The following CXorf38 variants were observed in gnomAD, a reference collection of about 807,000 sequenced individuals.
CXorf38 encodes the protein chromosome X open reading frame 38.
In CXorf38, 13 loss-of-function variants were observed where a neutral mutation model predicts 27.5. The ratio of observed to expected loss-of-function variants is 0.47; its 90% CI spans 0.31 to 0.75. The LOEUF is 0.75. CXorf38 is among the 30% of genes least tolerant of loss of function. CXorf38 has a pLI of 0.05. For synonymous variants in CXorf38, 100 were observed against 99.8 expected (o/e 1.00, Z -0.01); for missense variants, 240 against 253.2 (o/e 0.95, Z 0.35).
In CXorf38 at chrX:40,639,025, C is replaced by T. The variant is rs768158728; in HGVS notation, c.455G>A (p.Arg152Gln). The T allele has an allele frequency of 4.1e-6, 5 of 1,210,274 alleles. No individual in the cohort carries two copies. Among genetic ancestry groups the T allele is most frequent in the South Asian group, 1.8e-5 (1 of 56,824 alleles). ...AGCTCTTACCTCTGTGACTTTCTTT[C>T]GATCAACCACGAAGTGATCGCAGGA... ...INSCDHFVVD[R>Q]KKVTEVIKCR... is the part of the protein sequence containing the mutation. Residue 152 changes from arginine to glutamine, a missense_variant, in exon 3 of 7, where the codon CGA (arginine) becomes CAA (glutamine). Arg to Gln is a conservative substitution (Grantham distance 43, BLOSUM62 1). Coordinates refer to ENST00000327877, the MANE Select transcript of CXorf38 (RefSeq NM_144970.3).
At chrX:40,643,165 C>G (rs995592829) in intron 2 of CXorf38, among the ~76,000 whole-genome samples, 1 of 111,289 alleles carries the variant, frequency 9.0e-6, no homozygotes, top group African/African-American at 3.3e-5. Context: ...TGAGCTCAAG[C>G]AGTCTTCTCA....
chrX:40,630,603 C>A lies in CXorf38; in HGVS notation c.*1+11G>T. ...TGTCCTTCTTTAACACCATCATCTG[C>A]CTGAACTCACCTCAGGCCTTCCTGT... is the stretch of plus-strand genomic sequence containing the variant. On this transcript the variant is annotated intron_variant, in intron 6 of 6. Transcript: ENST00000327877. The A allele has an allele frequency of 8.3e-7, 1 of 1,202,322 alleles. No individual in the cohort carries two copies. Among genetic ancestry groups the A allele is most frequent in the Admixed American group, 2.2e-5 (1 of 45,238 alleles).
Position 40,629,616 on chromosome X carries a change from T to C in CXorf38, c.*548A>G, listed in dbSNP as rs946233204. On this transcript the variant is annotated 3_prime_UTR_variant, in exon 7 of 7. Coordinates refer to ENST00000327877, the MANE Select transcript of CXorf38 (RefSeq NM_144970.3). Reference sequence around the variant, plus strand: ...GGGTGGTAGCAAGTTTTGTTGTTGTTTTTTGTTTTTTTGGGAGACAGAATC... The same window carrying C: ...GGGTGGTAGCAAGTTTTGTTGTTGTCTTTTGTTTTTTTGGGAGACAGAATC... 9 of 111,144 alleles carry C rather than the reference T, an allele frequency of 8.1e-5. No individual in the cohort carries two copies. Among genetic ancestry groups the C allele is most frequent in the Admixed American group, 3.8e-4 (4 of 10,491 alleles). The allele number at this position is 111,144 out of a possible 1,213,427, so 9.2% of individuals were successfully genotyped here.
intron 5 of CXorf38, among the ~76,000 whole-genome samples, chrX:40,634,223 C>A (rs952332933): frequency 2.7e-5 from 3 of 111,302 alleles, no homozygotes; most frequent in African/African-American, 9.8e-5. Flanking sequence ...CTAACCCTAC[C>A]CCTACATTTT....
At chrX:40,640,521 G>A (rs1041345068) in intron 2 of CXorf38, among the ~76,000 whole-genome samples, 4 of 108,756 alleles carry the variant, frequency 3.7e-5, no homozygotes, top group African/African-American at 1.0e-4. Context: ...TGATGGTGGT[G>A]AAATCATACA....
intron 5 of CXorf38, among the ~76,000 whole-genome samples, chrX:40,633,355 T>C (rs912249143): frequency 1.8e-5 from 2 of 110,813 alleles, no homozygotes; most frequent in African/African-American, 6.6e-5. Context: ...CCTCACCTCC[T>C]TCAAGGTACT....
rs1341106732 is a variant in CXorf38, at chrX:40,629,250, A to C, written c.*914T>G. The C allele has an allele frequency of 9.0e-6, 1 of 111,513 alleles. No individual in the cohort carries two copies. The highest frequency in any genetic ancestry group is 3.3e-5 in the African/African-American group (1 of 30,634). The allele number at this position is 111,513 out of a possible 1,213,427, so 9.2% of individuals were successfully genotyped here. On this transcript the variant is annotated 3_prime_UTR_variant, in exon 7 of 7. Coordinates refer to ENST00000327877, the MANE Select transcript of CXorf38 (RefSeq NM_144970.3). The stretch of plus-strand genomic sequence containing the variant: ...AGGTTGGTCTCAAACTCCTGGGCTC[A>C]AGTGATCCGCCCACAGTGCTGGGAT...
rs778036095 is a variant in CXorf38 at position 40,634,792 on chromosome X, G to A, written c.801+1741C>T. 6.2e-5 allele frequency among the ~76,000 whole-genome samples: 7 copies of A among 112,003 alleles called. No individual in the cohort carries two copies. The South Asian group carries it at 1.5e-3, about 24-fold the overall frequency. On this transcript the variant is annotated intron_variant, in intron 5 of 6. Transcript: ENST00000327877. Reference sequence around the variant, plus strand: ...ATCAATCCTCACATTTTGACCAACTGAAATATTATGAGAAATGCCATGGTC... The same window carrying A: ...ATCAATCCTCACATTTTGACCAACTAAAATATTATGAGAAATGCCATGGTC...
At chrX:40,630,494 AC>A (rs2146563633) in intron 6 of CXorf38, 119 bp downstream of exon 6, 1 of 705,266 alleles carries the variant, frequency 1.4e-6, no homozygotes, top group Non-Finnish European at 2.1e-6. Flanking sequence ...AACAATAAGG[AC>A]AAAGGCAAAC....
rs749804767 is a variant in CXorf38 at position 40,644,058 on chromosome X, G to C, written c.351+2949C>G. 5.4e-5 allele frequency among the ~76,000 whole-genome samples: 6 copies of C among 111,998 alleles called. No individual in the cohort carries two copies. In the East Asian group the frequency reaches 1.4e-3, roughly 26 times the overall value. On this transcript the variant is annotated intron_variant, in intron 2 of 6. Transcript: ENST00000327877. ...GGTATTTGGGTTGTTTCTACCTTTT[G>C]GCTATAGTGAATGGAGCTGCTATGA... is the stretch of plus-strand genomic sequence containing the variant.
chrX:40,642,779 C>CT (rs1489926275), intron 2 of CXorf38, among the ~76,000 whole-genome samples: 3 of 110,327 alleles, frequency 2.7e-5, no homozygotes, highest in African/African-American at 3.3e-5. Context: ...ATTTTTTTCT[C>CT]TTTTTTTTCT....
rs1257906769 is a variant in CXorf38, at chrX:40,636,515, A to G, written c.801+18T>C. ...TGTGTTGTTAACTCACACAGAGCCT[A>G]TAACACTTTTCTTTTACCTCTTCAG... On this transcript the variant is annotated intron_variant, in intron 5 of 6. Coordinates refer to ENST00000327877, the MANE Select transcript of CXorf38 (RefSeq NM_144970.3). 1.1e-5 allele frequency: 13 copies of G among 1,151,694 alleles called. No individual in the cohort carries two copies. Among genetic ancestry groups the G allele is most frequent in the Non-Finnish European group, 1.5e-5 (13 of 845,776 alleles). 94.9% of individuals were successfully genotyped at this position (1,151,694 alleles called of 1,213,427 possible).
Position 40,646,989 on chromosome X carries a change from C to T in CXorf38, c.351+18G>A, listed in dbSNP as rs746291662. On this transcript the variant is annotated intron_variant, in intron 2 of 6. Coordinates refer to ENST00000327877, the MANE Select transcript of CXorf38 (RefSeq NM_144970.3). ...TGACCCGCCGCTTCCTCCTTCCGTC[C>T]CCGCCTCAGGCGCTTACCTTGGCCA... is the stretch of plus-strand genomic sequence containing the variant. The T allele has an allele frequency of 1.7e-6, 2 of 1,205,054 alleles. No individual in the cohort carries two copies. Among genetic ancestry groups the T allele is most frequent in the East Asian group, 3.0e-5 (1 of 33,600 alleles).
chrX:40,644,038 T>G (rs1351373511), intron 2 of CXorf38, among the ~76,000 whole-genome samples: 1 of 112,121 alleles, frequency 8.9e-6, no homozygotes, highest in Non-Finnish European at 1.9e-5. Flanking sequence ...TGATGGGTAT[T>G]TGGGTTGTTT....
intron 3 of CXorf38, among the ~76,000 whole-genome samples, chrX:40,638,100 G>T (rs1178768828): frequency 3.6e-5 from 4 of 111,901 alleles, no homozygotes; most frequent in Non-Finnish European, 7.5e-5. Context: ...AAATACTGTT[G>T]GAGCACCAGG....
In CXorf38 at chrX:40,632,098, T is replaced by G. The variant is rs911860747; in HGVS notation, c.802-1325A>C. 3.2e-4 allele frequency among the ~76,000 whole-genome samples: 36 copies of G among 111,957 alleles called. 3 individuals are homozygous for G. The highest frequency in any genetic ancestry group is 3.0e-3 in the Admixed American group (32 of 10,599). Reference sequence around the variant, plus strand: ...TGTTCACAGCAAGCGTTAGGAACTGTGGGCACTGCATCGTTAGCTCTCAGT... The same window carrying G: ...TGTTCACAGCAAGCGTTAGGAACTGGGGGCACTGCATCGTTAGCTCTCAGT... On this transcript the variant is annotated intron_variant, in intron 5 of 6. Transcript: ENST00000327877.
intron 5 of CXorf38, 90 bp from the exon 6 acceptor site, chrX:40,630,863 C>T: frequency 1.1e-6 from 1 of 884,529 alleles, no homozygotes. Flanking sequence ...TCTAGACTGG[C>T]TCCTACTCAC....
At chrX:40,635,859 C>G (rs1316136867) in intron 5 of CXorf38, among the ~76,000 whole-genome samples, 1 of 112,190 alleles carries the variant, frequency 8.9e-6, no homozygotes, top group Non-Finnish European at 1.9e-5. Context: ...CACCTTCACA[C>G]GACTGCAAGA....
chrX:40,639,787 G>A (rs991115225), intron 2 of CXorf38: 1 of 126,120 alleles, frequency 7.9e-6, no homozygotes, highest in Non-Finnish European at 1.6e-5. Context: ...GGTGCAAGGC[G>A]AGTAGGACCC....
Sources: gnomAD v4.1 joint callset for allele counts (sites outside exome capture counted in the v4.1 genomes callset) on GRCh38, gnomAD v4.1.1 for gene constraint, MANE v1.5 for transcripts, NCBI Gene and HGNC (gene_info 2026-07-23, HGNC 2026-07-21) for gene names.